Variants in SH3RF3 observed in about 807,000 individuals in gnomAD.
SH3RF3 encodes the protein SH3 domain containing ring finger 3.
In SH3RF3, 29 loss-of-function variants were observed where a neutral mutation model predicts 66.3. The observed-to-expected ratio is 0.44, with a 90% CI of 0.33 to 0.60. The LOEUF is 0.60. Ranked by LOEUF, SH3RF3 falls within the 20% of genes least tolerant of loss-of-function variation. SH3RF3 has a pLI of 0.04. For missense variants in SH3RF3, 1,194 were observed against 1,190.9 expected (o/e 1.00, Z -0.04); for synonymous variants, 583 against 532.0 (o/e 1.10, Z -1.32).
Position 109,273,527 on chromosome 2 carries a change from T to A in SH3RF3, c.574-74147T>A, listed in dbSNP as rs200282613. 1.6e-4 allele frequency among the ~76,000 whole-genome samples: 24 copies of A among 152,306 alleles called. No individual in the cohort carries two copies. In the East Asian group the frequency reaches 4.6e-3, roughly 29 times the overall value. ...AGGACCAGGTGAATGCAGACCCCAC[T>A]CACTGGGCACGTGTTTAGTGAATGC... On this transcript the variant is annotated intron_variant, in intron 1 of 9. Coordinates refer to ENST00000309415, the MANE Select transcript of SH3RF3 (RefSeq NM_001099289.3).
At chr2:109,353,123 G>T (rs1682875846) in intron 2 of SH3RF3, among the ~76,000 whole-genome samples, 1 of 152,192 alleles carries the variant, frequency 6.6e-6, no homozygotes, top group Admixed American at 6.5e-5. Context: ...ACCTGTCCCG[G>T]AGTCATGGCA....
intron 1 of SH3RF3, among the ~76,000 whole-genome samples, chr2:109,131,463 A>G (rs907231952): frequency 4.6e-5 from 7 of 152,216 alleles, no homozygotes; most frequent in Non-Finnish European, 8.8e-5. Flanking sequence ...TATTTGCAGA[A>G]TAAGTGGGTT....
At position 109,449,169 on chromosome 2, in the gene SH3RF3, G is replaced by A. The variant is rs1200757954; in HGVS notation, c.1829-1G>A. The A allele has an allele frequency of 6.2e-7, 1 of 1,612,998 alleles. No homozygotes were observed. Among genetic ancestry groups the A allele is most frequent in the Admixed American group, 1.7e-5 (1 of 59,872 alleles). Reference sequence around the variant, plus strand: ...TGCTGTCTCTCCAACCCCGTCTCCAGCTGCCCACTCTGCAGCCCAGGCTCA... The same window carrying A: ...TGCTGTCTCTCCAACCCCGTCTCCAACTGCCCACTCTGCAGCCCAGGCTCA... On this transcript the variant is annotated splice_acceptor_variant, in intron 7 of 9. Transcript: ENST00000309415. LOFTEE classifies it high-confidence loss of function.
At chr2:109,433,356 G>A (rs1339153585) in intron 6 of SH3RF3, among the ~76,000 whole-genome samples, 1 of 152,218 alleles carries the variant, frequency 6.6e-6, no homozygotes, top group Non-Finnish European at 1.5e-5. Flanking sequence ...TGTTTAATAA[G>A]TTCTCAGTTC....
At chr2:109,150,414 A>G (rs1677201178) in intron 1 of SH3RF3, among the ~76,000 whole-genome samples, 1 of 152,164 alleles carries the variant, frequency 6.6e-6, no homozygotes, top group Admixed American at 6.5e-5. Flanking sequence ...CATTTTATTT[A>G]TGAGCCTGGA....
At chr2:109,230,529 G>A (rs1042010692) in intron 1 of SH3RF3, among the ~76,000 whole-genome samples, 84 of 152,240 alleles carry the variant, frequency 5.5e-4, no homozygotes, top group African/African-American at 1.9e-3. Context: ...GAAGTGAGCT[G>A]AGATAGTACC....
intron 1 of SH3RF3, among the ~76,000 whole-genome samples, chr2:109,230,570 A>G (rs933325450): frequency 6.6e-5 from 10 of 152,288 alleles, no homozygotes; most frequent in East Asian, 3.9e-4. Flanking sequence ...ACAGAGAGAG[A>G]TCATCTTAAA....
intron 1 of SH3RF3, among the ~76,000 whole-genome samples, chr2:109,242,044 A>T (rs750296330): frequency 1.1e-4 from 17 of 151,986 alleles, no homozygotes; most frequent in Admixed American, 3.3e-4. Context: ...TCGTCCTGCA[A>T]GTGGCTGGCT....
At chr2:109,165,769 C>T (rs1329119207) in intron 1 of SH3RF3, among the ~76,000 whole-genome samples, 2 of 152,170 alleles carry the variant, frequency 1.3e-5, no homozygotes, top group East Asian at 1.9e-4. Context: ...TTTTTAGTTA[C>T]TTAAGAATCA....
At chr2:109,262,031 A>G (rs1382373320) in intron 1 of SH3RF3, among the ~76,000 whole-genome samples, 1 of 152,208 alleles carries the variant, frequency 6.6e-6, no homozygotes, top group African/African-American at 2.4e-5. Context: ...AGCAGGAGAC[A>G]GGTCGGTGGC....
At chr2:109,305,095 C>T (rs1681560015) in intron 1 of SH3RF3, among the ~76,000 whole-genome samples, 1 of 152,188 alleles carries the variant, frequency 6.6e-6, no homozygotes, top group Non-Finnish European at 1.5e-5. Context: ...GTAAGACTGC[C>T]TTCTAAGAGA....
At chr2:109,436,548 G>C (rs1313773227) in intron 6 of SH3RF3, among the ~76,000 whole-genome samples, 1 of 152,186 alleles carries the variant, frequency 6.6e-6, no homozygotes, top group Non-Finnish European at 1.5e-5. Flanking sequence ...GGACATGACT[G>C]AGTCATCTGT....
intron 1 of SH3RF3, among the ~76,000 whole-genome samples, chr2:109,218,332 A>G (rs1679149688): frequency 1.3e-5 from 2 of 152,094 alleles, no homozygotes; most frequent in Non-Finnish European, 2.9e-5. Flanking sequence ...GATTTCTTCT[A>G]CTTCACCAGA....
At chr2:109,423,073 G>A (rs955702042) in intron 5 of SH3RF3, among the ~76,000 whole-genome samples, 5 of 152,304 alleles carry the variant, frequency 3.3e-5, no homozygotes, top group East Asian at 1.9e-4. Context: ...TTCCACAGTC[G>A]ATGGGTGCAG....
At chr2:109,244,174 A>C (rs1679855321) in intron 1 of SH3RF3, among the ~76,000 whole-genome samples, 1 of 152,308 alleles carries the variant, frequency 6.6e-6, no homozygotes, top group East Asian at 1.9e-4. Context: ...TGAAGGATGT[A>C]CTATTTATGG....
chr2:109,283,745 G>A (rs530311264), intron 1 of SH3RF3, among the ~76,000 whole-genome samples: 1 of 152,358 alleles, frequency 6.6e-6, no homozygotes, highest in Non-Finnish European at 1.5e-5. Flanking sequence ...GAGCCACAGA[G>A]GTGCTACGTG....
intron 9 of SH3RF3, among the ~76,000 whole-genome samples, chr2:109,492,133 A>G (rs778674578): frequency 2.0e-5 from 3 of 152,176 alleles, no homozygotes; most frequent in Non-Finnish European, 2.9e-5. Context: ...ATGTAGATGA[A>G]TGGGCCGGTG....
intron 1 of SH3RF3, among the ~76,000 whole-genome samples, chr2:109,289,098 G>A (rs1681104015): frequency 6.6e-6 from 1 of 152,164 alleles, no homozygotes; most frequent in African/African-American, 2.4e-5. Context: ...GCGTTATAAA[G>A]CTGAACTGGA....
At chr2:109,297,472 G>T (rs1353308748) in intron 1 of SH3RF3, among the ~76,000 whole-genome samples, 2 of 151,986 alleles carry the variant, frequency 1.3e-5, no homozygotes, top group African/African-American at 4.8e-5. Flanking sequence ...GGGGTGCCTG[G>T]TGTGGGTCAG....
Sources: allele counts gnomAD v4.1 joint callset (sites outside exome capture counted in the v4.1 genomes callset), GRCh38; gene constraint gnomAD v4.1.1; transcripts MANE v1.5; gene names NCBI Gene and HGNC (gene_info 2026-07-23, HGNC 2026-07-21).